KCNMA1: variants seen among roughly 807,000 people sequenced by gnomAD.
KCNMA1 encodes the protein Calcium-activated potassium channel subunit alpha-1.
Under a neutral mutation model 140.0 loss-of-function variants are expected in KCNMA1, and 29 were observed. The ratio of observed to expected loss-of-function variants is 0.21; its 90% confidence interval spans 0.15 to 0.28. The LOEUF (loss-of-function observed/expected upper bound fraction) is 0.28, where lower values mean the gene tolerates loss of function less well. Among genes scored for constraint, KCNMA1 ranks in the 10% least tolerant of loss-of-function variants. The probability of loss-of-function intolerance (pLI) is 1.00; values close to 1 mark genes in which losing one functional copy is unlikely to be tolerated. For missense variants in KCNMA1, 880 were observed against 1,602.2 expected (o/e 0.55, Z 7.70); for synonymous variants, 612 against 611.9 (o/e 1.00, Z 0.00).
intron 1 of KCNMA1, chr10:77,587,943 C>T: frequency 1.2e-6 from 1 of 830,202 alleles, no homozygotes; most frequent in Non-Finnish European, 1.5e-6. Context: ...AGCAGAGTCC[C>T]ACAGAAAGAG....
chr10:77,035,200 T>C (rs2094236668), intron 15 of KCNMA1, among the ~76,000 whole-genome samples: 1 of 152,242 alleles, frequency 6.6e-6, no homozygotes, highest in African/African-American at 2.4e-5. Flanking sequence ...GAGCTCCCTA[T>C]GGTACCAGGT....
chr10:77,168,212 T>A (rs1161802681), intron 5 of KCNMA1, among the ~76,000 whole-genome samples: 1 of 152,162 alleles, frequency 6.6e-6, no homozygotes, highest in African/African-American at 2.4e-5. Context: ...CTTGCTGAAG[T>A]CATACAGCAA....
intron 14 of KCNMA1, among the ~76,000 whole-genome samples, chr10:77,072,408 T>A (rs1457550044): frequency 6.6e-6 from 1 of 152,124 alleles, no homozygotes; most frequent in African/African-American, 2.4e-5. Flanking sequence ...TGGCCCACCC[T>A]GGGAGGACAG....
At chr10:77,586,285 T>A (rs545833399) in intron 1 of KCNMA1, 1 of 152,264 alleles carries the variant, frequency 6.6e-6, no homozygotes, top group East Asian at 1.9e-4. Flanking sequence ...GTTCTAGGGA[T>A]GATGAAGGGA....
chr10:77,145,687 A>T (rs2098276139), intron 5 of KCNMA1, among the ~76,000 whole-genome samples: 1 of 152,244 alleles, frequency 6.6e-6, no homozygotes, highest in Non-Finnish European at 1.5e-5. Context: ...CCAAGAAATG[A>T]ACTCAGACGA....
intron 1 of KCNMA1, among the ~76,000 whole-genome samples, chr10:77,537,505 T>C (rs2059169821): frequency 6.6e-6 from 1 of 152,172 alleles, no homozygotes; most frequent in Non-Finnish European, 1.5e-5. Context: ...TGAGCTTCCT[T>C]GGAAAGCATC....
chr10:77,535,169 G>A (rs968651001), intron 1 of KCNMA1, among the ~76,000 whole-genome samples: 13 of 152,134 alleles, frequency 8.5e-5, no homozygotes, highest in Admixed American at 4.6e-4. Context: ...CAGTTACTAA[G>A]CACATCTTAA....
chr10:77,320,671 AC>A (rs1415961388), intron 2 of KCNMA1, among the ~76,000 whole-genome samples: 1 of 152,154 alleles, frequency 6.6e-6, no homozygotes, highest in Admixed American at 6.5e-5. Flanking sequence ...TGCCAGCACC[AC>A]CACACTTGAG....
intron 1 of KCNMA1, among the ~76,000 whole-genome samples, chr10:77,616,797 C>G (rs2089690705): frequency 6.6e-6 from 1 of 150,984 alleles, no homozygotes; most frequent in African/African-American, 2.4e-5. Context: ...GAGAGTGAAG[C>G]TCCATCTCAA....
At chr10:77,442,501 GCTA>G (rs2097429121) in intron 1 of KCNMA1, among the ~76,000 whole-genome samples, 1 of 152,130 alleles carries the variant, frequency 6.6e-6, no homozygotes, top group African/African-American at 2.4e-5. Flanking sequence ...TCTTGGGTCT[GCTA>G]CTTTACTAGT....
intron 25 of KCNMA1, among the ~76,000 whole-genome samples, chr10:76,898,959 G>C (rs2043849646): frequency 6.6e-6 from 1 of 151,906 alleles, no homozygotes; most frequent in African/African-American, 2.4e-5. Flanking sequence ...ATAAACTTAT[G>C]ACAATATAAC....
chr10:76,978,553 A>G (rs1275873374), intron 19 of KCNMA1: 1 of 152,212 alleles, frequency 6.6e-6, no homozygotes, highest in African/African-American at 2.4e-5. Flanking sequence ...TGTGTGTCTA[A>G]AATCATCATT....
chr10:77,594,824 A>T (rs938640098), intron 1 of KCNMA1, among the ~76,000 whole-genome samples: 2 of 152,118 alleles, frequency 1.3e-5, no homozygotes, highest in South Asian at 4.1e-4. Flanking sequence ...AAGCCTTCAC[A>T]CACGATCCTG....
intron 1 of KCNMA1, among the ~76,000 whole-genome samples, chr10:77,591,424 C>T (rs1197053719): frequency 6.6e-6 from 1 of 152,160 alleles, no homozygotes; most frequent in Non-Finnish European, 1.5e-5. Flanking sequence ...ATTGTGTGTT[C>T]TCTTAACATC....
At chr10:77,357,270 A>C (rs2154396669) in intron 2 of KCNMA1, among the ~76,000 whole-genome samples, 1 of 152,334 alleles carries the variant, frequency 6.6e-6, no homozygotes, top group South Asian at 2.1e-4. Flanking sequence ...ACTTGCATGC[A>C]AGAGATCCCT....
At chr10:77,014,709 C>T (rs1216836799) in intron 17 of KCNMA1, among the ~76,000 whole-genome samples, 1 of 152,146 alleles carries the variant, frequency 6.6e-6, no homozygotes, top group African/African-American at 2.4e-5. Context: ...GCATAATGTC[C>T]TCCAAGGCTA....
intron 1 of KCNMA1, among the ~76,000 whole-genome samples, chr10:77,427,701 T>A (rs1189132738): frequency 6.6e-6 from 1 of 150,946 alleles, no homozygotes; most frequent in African/African-American, 2.5e-5. Flanking sequence ...AGTCATCCAA[T>A]CCTGAGCATC....
chr10:77,578,375 G>A (rs1336392138), intron 1 of KCNMA1, among the ~76,000 whole-genome samples: 1 of 152,218 alleles, frequency 6.6e-6, no homozygotes, highest in African/African-American at 2.4e-5. Flanking sequence ...TTGAGATGAA[G>A]ACAGGCCTAT....
At chr10:77,193,990 C>T (rs2039552972) in intron 3 of KCNMA1, among the ~76,000 whole-genome samples, 2 of 152,080 alleles carry the variant, frequency 1.3e-5, no homozygotes, top group Admixed American at 1.3e-4. Flanking sequence ...AAAATTGCCA[C>T]CTATGTGCTA....
Sources: allele counts gnomAD v4.1 joint callset (sites outside exome capture counted in the v4.1 genomes callset), GRCh38; gene constraint gnomAD v4.1.1; transcripts MANE v1.5; gene names NCBI Gene and HGNC (gene_info 2026-07-23, HGNC 2026-07-21).